Variants in ELAC2 observed in about 807,000 individuals in gnomAD.
ELAC2 encodes the protein elaC ribonuclease Z 2, also known as zinc phosphodiesterase ELAC protein 2.
In ELAC2, 92 loss-of-function variants were observed where a neutral mutation model predicts 105.2. The observed-to-expected ratio is 0.87, with a 90% confidence interval of 0.74 to 1.04. The LOEUF is 1.04. Ranked by LOEUF, ELAC2 falls within the 50% of genes least tolerant of loss-of-function variation. ELAC2 has a pLI of 0.00. For missense variants in ELAC2, 1,099 were observed against 1,071.7 expected (o/e 1.03, Z -0.36); for synonymous variants, 468 against 409.1 (o/e 1.14, Z -1.74).
rs545665330 is a variant in ELAC2, at chr17:13,013,888, G to A, written c.490+551C>T. On this transcript the variant is annotated intron_variant, in intron 5 of 23. Coordinates refer to ENST00000338034, the MANE Select transcript of ELAC2 (RefSeq NM_018127.7). ...AAGCACCTCTGGAACTGAGGCAGGA[G>A]CCCTGCCGTCTGGATGGAGAATGCC... Among the ~76,000 whole-genome samples the A allele has an allele frequency of 8.5e-5, 13 of 152,268 alleles. No homozygotes were observed. The East Asian group carries it at 1.7e-3, about 20-fold the overall frequency.
chr17:12,995,370 C>A (rs958321908), intron 19 of ELAC2, among the ~76,000 whole-genome samples: 1 of 152,194 alleles, frequency 6.6e-6, no homozygotes, highest in African/African-American at 2.4e-5. Context: ...TAGCCACACA[C>A]CTGCTATGGA....
At position 13,017,141 on chromosome 17, in the gene ELAC2, C is replaced by A. The variant is rs746742839; in HGVS notation, c.246-20G>T. The A allele has an allele frequency of 3.3e-5, 53 of 1,609,422 alleles. No individual in the cohort carries two copies. The South Asian group carries it at 5.6e-4, about 17-fold the overall frequency. ...AGATACCTACAAGACAAACATTACACAAGACATTCAGAAGGTTTTATTCTG... is the reference window on the plus strand; with the variant it reads ...AGATACCTACAAGACAAACATTACAAAAGACATTCAGAAGGTTTTATTCTG... On this transcript the variant is annotated intron_variant, in intron 1 of 23. Transcript: ENST00000338034.
Position 12,991,884 on chromosome 17 carries a change from C to CTTA in ELAC2, c.*933_*934insTAA, listed in dbSNP as rs1486355897. Among the ~76,000 whole-genome samples, 32 of 151,780 alleles carry CTTA rather than the reference C, an allele frequency of 2.1e-4. No homozygotes were observed. The highest frequency in any genetic ancestry group is 3.4e-3 in the Middle Eastern group (1 of 294). On this transcript the variant is annotated 3_prime_UTR_variant, in exon 24 of 24. Coordinates refer to ENST00000338034, the MANE Select transcript of ELAC2 (RefSeq NM_018127.7). ...ACTTACTTACTTTACTTACTTACTT[C>CTTA]CTTGGAAAATGCTCTCCATTTGTCG... is the stretch of plus-strand genomic sequence containing the variant.
chr17:12,998,317 C>A (rs1303131697), intron 16 of ELAC2, 95 bp downstream of exon 16: 5 of 1,192,754 alleles, frequency 4.2e-6, no homozygotes, highest in African/African-American at 3.0e-5. Flanking sequence ...GGGCTTGATA[C>A]CGCATTTCAA....
At chr17:13,013,139 T>C in intron 6 of ELAC2, 68 bp downstream of exon 6, 2 of 1,571,542 alleles carry the variant, frequency 1.3e-6, no homozygotes, top group Non-Finnish European at 1.7e-6. Flanking sequence ...TCAGTTTCTA[T>C]TTTCATCCAT....
At chr17:12,993,922 G>C in intron 22 of ELAC2, 91 bp from the exon 23 acceptor site, 1 of 1,587,070 alleles carries the variant, frequency 6.3e-7, no homozygotes, top group Non-Finnish European at 8.6e-7. Context: ...TCAACTGCCA[G>C]GGCACCCGGG....
At chr17:12,997,920 A>C (rs922430049) in intron 16 of ELAC2, among the ~76,000 whole-genome samples, 122 of 152,318 alleles carry the variant, frequency 8.0e-4, no homozygotes, top group African/African-American at 2.8e-3. Context: ...TTCTGAACAC[A>C]AATGTGCAAA....
At position 12,992,441 on chromosome 17, in the gene ELAC2, G is replaced by C; in HGVS notation, c.*377C>G. The C allele has an allele frequency of 2.6e-6, 1 of 387,856 alleles. No homozygotes were observed. Among genetic ancestry groups the C allele is most frequent in the South Asian group, 3.3e-5 (1 of 30,484 alleles). The allele number at this position is 387,856 out of a possible 1,614,324, so 24.0% of individuals were successfully genotyped here. On this transcript the variant is annotated 3_prime_UTR_variant, in exon 24 of 24. Coordinates refer to ENST00000338034, the MANE Select transcript of ELAC2 (RefSeq NM_018127.7). ...TGAAATACTATTTTCGTTAAGTCTC[G>C]GACACTTAGACCCACTGATCCTGTT... is the stretch of plus-strand genomic sequence containing the variant.
At chr17:13,006,244 C>T (rs760834363) in intron 8 of ELAC2, 38 of 433,298 alleles carry the variant, frequency 8.8e-5, no homozygotes, top group Admixed American at 3.8e-4. Flanking sequence ...GTGGCACGTG[C>T]CTGTAATCCC....
In ELAC2 at chr17:13,017,969, G is replaced by A; in HGVS notation, c.-22C>T. 1 of 1,535,074 alleles carries A rather than the reference G, an allele frequency of 6.5e-7. No individual in the cohort carries two copies. The highest frequency in any genetic ancestry group is 8.7e-7 in the Non-Finnish European group (1 of 1,146,610). Reference sequence around the variant, plus strand: ...ACATGCGCCCGTCTCCACCAAAACTGAGAAAGCCGCCGGTCACCTACGCCC... The same window carrying A: ...ACATGCGCCCGTCTCCACCAAAACTAAGAAAGCCGCCGGTCACCTACGCCC... On this transcript the variant is annotated 5_prime_UTR_variant, in exon 1 of 24. Transcript: ENST00000338034.
chr17:13,014,366 G>T, intron 5 of ELAC2, 73 bp downstream of exon 5: 1 of 1,131,492 alleles, frequency 8.8e-7, no homozygotes, highest in South Asian at 1.2e-5. Flanking sequence ...TGTTTTTAAT[G>T]GATTCTAATT....
intron 5 of ELAC2, among the ~76,000 whole-genome samples, chr17:13,013,602 C>T (rs1414714523): frequency 6.6e-6 from 1 of 152,172 alleles, no homozygotes; most frequent in African/African-American, 2.4e-5. Flanking sequence ...GGGAACCTAT[C>T]ATCGCAAACC....
In ELAC2 at chr17:12,992,623, G is replaced by GC; in HGVS notation, c.*194dup. 1.6e-6 allele frequency: 1 copy of GC among 627,910 alleles called. No homozygotes were observed. The highest frequency in any genetic ancestry group is 2.8e-5 in the East Asian group (1 of 36,058). 38.9% of individuals were successfully genotyped at this position (627,910 alleles called of 1,614,324 possible). On this transcript the variant is annotated 3_prime_UTR_variant, in exon 24 of 24. Coordinates refer to ENST00000338034, the MANE Select transcript of ELAC2 (RefSeq NM_018127.7). ...GCCTCCTGGCCCGCGGCTGTGCCAG[G>GC]CACCAGTCCTAAGAGGCATCTATAG... is the stretch of plus-strand genomic sequence containing the variant.
chr17:13,002,338 C>T lies in ELAC2; in HGVS notation c.1240G>A (p.Val414Met), dbSNP rs751420824. 1.9e-6 allele frequency: 3 copies of T among 1,614,184 alleles called. No individual in the cohort carries two copies. In the Admixed American group the frequency reaches 5.0e-5, roughly 27 times the overall value. The change falls in exon 14 of 24, where the codon GTG becomes ATG. Residue 414 changes from valine to methionine, a missense_variant. Val to Met is a conservative substitution (Grantham distance 21). Coordinates refer to ENST00000338034, the MANE Select transcript of ELAC2 (RefSeq NM_018127.7). Reference protein sequence around the residue: ...RCKKEGPTLSVPMVQGECLLK... With the variant: ...RCKKEGPTLSMPMVQGECLLK... ...AGGCATTCACCCTGAACCATGGGCA[C>T]ACTGAGGGTGGGGCCCTCCTTCTGA... is the stretch of plus-strand genomic sequence containing the variant.
chr17:13,011,888 C>A, intron 6 of ELAC2, 106 bp from the exon 7 acceptor site: 2 of 1,549,304 alleles, frequency 1.3e-6, no homozygotes, highest in Middle Eastern at 2.1e-4. Context: ...TAAATCAGCA[C>A]ACCTTTTACT....
Position 13,014,458 on chromosome 17 carries a change from T to C in ELAC2, c.471A>G (p.Pro157=). Reference sequence around the variant, plus strand: ...ACGTACCCAGTTCTATTCCTTTCAATGGACCAGAAAATATTTTGATTGCTT... The same window carrying C: ...ACGTACCCAGTTCTATTCCTTTCAACGGACCAGAAAATATTTTGATTGCTT... ...YLEAIKIFSG[P]LKGIELAVRP... is the part of the protein sequence containing the mutation. Residue 157 remains proline (P), a synonymous_variant, in exon 5 of 24, where the codon CCA becomes CCG. Coordinates refer to ENST00000338034, the MANE Select transcript of ELAC2 (RefSeq NM_018127.7). 6.2e-7 allele frequency: 1 copy of C among 1,613,802 alleles called. No homozygotes were observed. Among genetic ancestry groups the C allele is most frequent in the Non-Finnish European group, 8.5e-7 (1 of 1,179,734 alleles).
chr17:12,996,049 CCT>C (rs1438405465), intron 17 of ELAC2, 71 bp from the exon 18 acceptor site: 12 of 1,521,986 alleles, frequency 7.9e-6, no homozygotes, highest in African/African-American at 1.4e-5. Context: ...GGTCTGCAGC[CCT>C]CTCTCTTGCA....
intron 10 of ELAC2, 87 bp downstream of exon 10, chr17:13,005,666 T>C: frequency 7.4e-7 from 1 of 1,348,460 alleles, no homozygotes; most frequent in Non-Finnish European, 1.1e-6. Flanking sequence ...TCAAAAGTGG[T>C]GTCTGTAGGG....
Position 12,992,445 on chromosome 17 carries a change from A to ACTT in ELAC2, c.*370_*372dup, listed in dbSNP as rs1299263717. On this transcript the variant is annotated 3_prime_UTR_variant, in exon 24 of 24. Transcript: ENST00000338034. Reference sequence around the variant, plus strand: ...ATACTATTTTCGTTAAGTCTCGGACACTTAGACCCACTGATCCTGTTACTC... The same window carrying ACTT: ...ATACTATTTTCGTTAAGTCTCGGACACTTCTTAGACCCACTGATCCTGTTACTC... 1.7e-5 allele frequency: 7 copies of ACTT among 414,676 alleles called. No homozygotes were observed. Among genetic ancestry groups the ACTT allele is most frequent in the Non-Finnish European group, 3.1e-5 (7 of 224,014 alleles). 25.7% of individuals were successfully genotyped at this position (414,676 alleles called of 1,614,324 possible). A position where few individuals can be genotyped will look rare whatever the true frequency, so the allele number is the denominator to read the frequency against.
Sources: allele counts gnomAD v4.1 joint callset (sites outside exome capture counted in the v4.1 genomes callset), GRCh38; gene constraint gnomAD v4.1.1; transcripts MANE v1.5; gene names NCBI Gene and HGNC (gene_info 2026-07-23, HGNC 2026-07-21).